DEPTOR: variants seen among roughly 807,000 people sequenced by gnomAD.
DEPTOR encodes DEP domain-containing mTOR-interacting protein.
In DEPTOR, 41 loss-of-function variants were observed where a neutral mutation model predicts 41.6. That is an observed-to-expected ratio of 0.98 (90% CI 0.77 to 1.28). DEPTOR has a LOEUF of 1.28. DEPTOR is among the 50% of genes most tolerant of loss of function. The pLI is 0.00. For missense variants in DEPTOR, 514 were observed against 527.9 expected (o/e 0.97, Z 0.26); for synonymous variants, 195 against 192.3 (o/e 1.01, Z -0.12).
chr8:120,003,111 G>A lies in DEPTOR; in HGVS notation c.925G>A (p.Val309Met), dbSNP rs772667396. ...SPPVLCNPKS[V>M]LKRPVTSEEL... ...CCCTGTGCTCTGCAACCCCAAGTCC[G>A]GTGAGTGCCCAAAAGGTGGCCCCGC... The change falls in exon 6 of 9, where the codon GTG (valine) becomes ATG (methionine). Residue 309 changes from valine to methionine, a missense_variant and splice_region_variant. By Grantham distance (21) the Val-to-Met change is conservative (BLOSUM62 1). Transcript: ENST00000286234. The A allele has an allele frequency of 1.2e-4, 199 of 1,611,414 alleles. 2 individuals are homozygous for A. The South Asian group carries it at 1.8e-3, about 14-fold the overall frequency.
At chr8:120,017,283 G>A (rs1056354491) in intron 8 of DEPTOR, among the ~76,000 whole-genome samples, 2 of 152,140 alleles carry the variant, frequency 1.3e-5, no homozygotes, top group Non-Finnish European at 2.9e-5. Context: ...TGAGGAAACC[G>A]AGACCCAGCT....
At chr8:119,945,576 C>G (rs975804778) in intron 3 of DEPTOR, among the ~76,000 whole-genome samples, 1 of 152,168 alleles carries the variant, frequency 6.6e-6, no homozygotes, top group Non-Finnish European at 1.5e-5. Flanking sequence ...GGCATAGGCT[C>G]TTCACTTTCC....
intron 3 of DEPTOR, among the ~76,000 whole-genome samples, chr8:119,939,557 G>A (rs1426406161): frequency 2.6e-5 from 4 of 152,008 alleles, no homozygotes; most frequent in Admixed American, 6.6e-5. Flanking sequence ...GTGCGATCTC[G>A]GCTCACTGCA....
chr8:119,995,971 G>A (rs537518321), intron 4 of DEPTOR, among the ~76,000 whole-genome samples: 1 of 152,290 alleles, frequency 6.6e-6, no homozygotes, highest in South Asian at 2.1e-4. Context: ...CAATGTTTAT[G>A]TCATTAAACT....
At chr8:120,022,157 T>TAAA (rs34125548) in intron 8 of DEPTOR, among the ~76,000 whole-genome samples, 14 of 93,716 alleles carry the variant, frequency 1.5e-4, no homozygotes, top group Non-Finnish European at 1.9e-4. Context: ...GACCCCATCT[T>TAAA]AAAAAAAAAA....
intron 4 of DEPTOR, among the ~76,000 whole-genome samples, chr8:119,976,160 C>G (rs956162508): frequency 6.6e-6 from 1 of 151,944 alleles, no homozygotes; most frequent in Non-Finnish European, 1.5e-5. Flanking sequence ...CCACTCCCAG[C>G]CCCCTACTCA....
intron 1 of DEPTOR, 145 bp downstream of exon 1, chr8:119,874,113 G>C: frequency 7.4e-7 from 1 of 1,350,656 alleles, no homozygotes; most frequent in Non-Finnish European, 1.0e-6. Flanking sequence ...ATGGTCCTCG[G>C]TGCGCCCGCG....
intron 3 of DEPTOR, among the ~76,000 whole-genome samples, chr8:119,958,777 A>G (rs113287352): frequency 0.04 from 6,071 of 152,002 alleles, 132 homozygotes; most frequent in African/African-American, 0.067. Flanking sequence ...TCGAGACTCT[A>G]TCTCAAAGAA....
chr8:119,927,590 TTA>T (rs958439568), intron 1 of DEPTOR, among the ~76,000 whole-genome samples: 2 of 146,952 alleles, frequency 1.4e-5, no homozygotes, highest in Non-Finnish European at 3.0e-5. Flanking sequence ...TACATATATA[TTA>T]TATATATATA....
intron 3 of DEPTOR, among the ~76,000 whole-genome samples, chr8:119,936,861 T>TA (rs199826304): frequency 2.5e-4 from 38 of 151,778 alleles, no homozygotes; most frequent in African/African-American, 8.2e-4. Flanking sequence ...CCATCTCTAC[T>TA]AAAACTACAA....
intron 4 of DEPTOR, among the ~76,000 whole-genome samples, chr8:119,993,777 T>A (rs2130059254): frequency 6.6e-6 from 1 of 152,302 alleles, no homozygotes; most frequent in South Asian, 2.1e-4. Flanking sequence ...GATTTTTTTT[T>A]TTCTGTGTTT....
At chr8:120,019,428 C>A (rs181856461) in intron 8 of DEPTOR, among the ~76,000 whole-genome samples, 14 of 152,292 alleles carry the variant, frequency 9.2e-5, no homozygotes, top group African/African-American at 2.9e-4. Flanking sequence ...CTCCAGAGAC[C>A]CCCTTGTGCC....
intron 8 of DEPTOR, among the ~76,000 whole-genome samples, chr8:120,032,652 G>A (rs1344858010): frequency 3.3e-5 from 5 of 152,188 alleles, no homozygotes; most frequent in Non-Finnish European, 1.5e-5. Flanking sequence ...CTGGGGAGCA[G>A]AACTGCATGT....
chr8:119,884,704 A>C (rs1361068421), intron 1 of DEPTOR, among the ~76,000 whole-genome samples: 1 of 151,862 alleles, frequency 6.6e-6, no homozygotes, highest in Non-Finnish European at 1.5e-5. Flanking sequence ...TAATGAGTGT[A>C]GTAAAGAGGG....
chr8:119,873,866 C>T lies in DEPTOR; in HGVS notation c.20C>T (p.Thr7Ile). The T allele has an allele frequency of 1.2e-6, 2 of 1,613,288 alleles. No homozygotes were observed. Among genetic ancestry groups the T allele is most frequent in the Non-Finnish European group, 1.7e-6 (2 of 1,179,702 alleles). ...AAAACCATGGAGGAGGGCGGCAGCA[C>T]TGGCAGTGCTGGCAGTGACAGCAGC... MEEGGS[T>I]GSAGSDSSTS... is the part of the protein sequence containing the mutation. The change falls in exon 1 of 9, where the codon ACT (threonine) becomes ATT (isoleucine). Residue 7 changes from threonine to isoleucine, a missense_variant. Coordinates refer to ENST00000286234, the MANE Select transcript of DEPTOR (RefSeq NM_022783.4).
intron 2 of DEPTOR, among the ~76,000 whole-genome samples, chr8:119,929,212 G>T (rs4871792): frequency 0.049 from 7,417 of 152,024 alleles, 277 homozygotes; most frequent in South Asian, 0.15. Flanking sequence ...CTCTCATCCT[G>T]GCCTCGACCT....
At chr8:120,015,660 T>C (rs1223175044) in intron 8 of DEPTOR, among the ~76,000 whole-genome samples, 1 of 151,942 alleles carries the variant, frequency 6.6e-6, no homozygotes, top group South Asian at 2.1e-4. Flanking sequence ...GCAAGAAAGA[T>C]GGGAGGAGGC....
intron 1 of DEPTOR, among the ~76,000 whole-genome samples, chr8:119,927,945 AG>A (rs762852608): frequency 8.2e-4 from 125 of 152,248 alleles, no homozygotes; most frequent in Admixed American, 2.2e-3. Context: ...ACAGGCAGGT[AG>A]TAGACATTCA....
chr8:119,916,141 G>A (rs554926732), intron 1 of DEPTOR, among the ~76,000 whole-genome samples: 6 of 152,094 alleles, frequency 3.9e-5, no homozygotes, highest in Middle Eastern at 3.4e-3. Context: ...AATAACGGGT[G>A]GACGCTGGAG....
Sources: gnomAD v4.1 joint callset for allele counts (sites outside exome capture counted in the v4.1 genomes callset) on GRCh38, gnomAD v4.1.1 for gene constraint, MANE v1.5 for transcripts, NCBI Gene and HGNC (gene_info 2026-07-23, HGNC 2026-07-21) for gene names.